WRAP73: variants seen among roughly 807,000 people sequenced by gnomAD.
The protein encoded by WRAP73 is WD repeat containing, antisense to TP73.
WRAP73 carries 55 observed loss-of-function variants against 59.6 expected under a neutral mutation model. That is an observed-to-expected ratio of 0.92 (90% confidence interval 0.74 to 1.15). WRAP73 has a LOEUF of 1.15. Ranked by LOEUF, WRAP73 falls within the 50% of genes most tolerant of loss-of-function variation. The pLI is 0.00. For missense variants in WRAP73, 592 were observed against 608.1 expected (o/e 0.97, Z 0.28); for synonymous variants, 265 against 258.2 (o/e 1.03, Z -0.25).
At position 3,646,674 on chromosome 1, in the gene WRAP73, C is replaced by T; in HGVS notation, c.331G>A (p.Glu111Lys). The T allele has an allele frequency of 1.3e-6, 2 of 1,597,100 alleles. No homozygotes were observed. Among genetic ancestry groups the T allele is most frequent in the Non-Finnish European group, 1.7e-6 (2 of 1,168,270 alleles). Reference sequence around the variant, plus strand: ...TTGGGGCTGACACTTACATGGAATTCCGTGGTGTTGAGAATGTGGCGCCCG... The same window carrying T: ...TTGGGGCTGACACTTACATGGAATTTCGTGGTGTTGAGAATGTGGCGCCCG... ...PDGRHILNTT[E>K]FHLRITVWSL... Residue 111 changes from glutamate to lysine, a missense_variant, in exon 3 of 12, where the codon GAA (glutamate) becomes AAA (lysine). Transcript: ENST00000270708. The surrounding 1 kb of genome is among the most constrained non-coding windows in gnomAD (Gnocchi z 5.1).
At chr1:3,632,457 G>C in intron 9 of WRAP73, 119 bp from the exon 10 acceptor site, 5 of 1,528,470 alleles carry the variant, frequency 3.3e-6, no homozygotes, top group Non-Finnish European at 4.5e-6. Flanking sequence ...TCAAAGGGGA[G>C]GAAAGTGCGG....
intron 3 of WRAP73, 107 bp from the exon 4 acceptor site, chr1:3,638,929 G>A: frequency 3.2e-6 from 4 of 1,232,888 alleles, no homozygotes; most frequent in Non-Finnish European, 4.7e-6. Context: ...CCTGACTGCT[G>A]GAGTGGATCT....
chr1:3,650,059 GCAGCAGGC>G lies in WRAP73; in HGVS notation c.-68_-61del, dbSNP rs1185696008. ...GAAAACCCGCGGGACCCCTGGGCGC[GCAGCAGGC>G]TGCAACAGCCGACGCCGGCCTCCGA... On this transcript the variant is annotated 5_prime_UTR_variant, in exon 1 of 12. Coordinates refer to ENST00000270708, the MANE Select transcript of WRAP73 (RefSeq NM_017818.4). 6.8e-6 allele frequency: 10 copies of G among 1,472,650 alleles called. No individual in the cohort carries two copies. The East Asian group carries it at 1.9e-4, about 28-fold the overall frequency. 91.2% of individuals were successfully genotyped at this position (1,472,650 alleles called of 1,614,324 possible). A position where few individuals can be genotyped will look rare whatever the true frequency, so the allele number is the denominator to read the frequency against.
Position 3,639,060 on chromosome 1 carries a change from G to A in WRAP73, c.340-238C>T, listed in dbSNP as rs1644614386. The A allele has an allele frequency of 2.0e-6, 1 of 505,706 alleles. No homozygotes were observed. 31.3% of individuals were successfully genotyped at this position (505,706 alleles called of 1,614,324 possible). ...TTGTTGTTTTATACCAAAATTGAGTGACACAAAGTTAAATCCAAGTGCTTT... is the reference window on the plus strand; with the variant it reads ...TTGTTGTTTTATACCAAAATTGAGTAACACAAAGTTAAATCCAAGTGCTTT... On this transcript the variant is annotated intron_variant, in intron 3 of 11. Transcript: ENST00000270708. The surrounding 1 kb of genome is among the most constrained non-coding windows in gnomAD (Gnocchi z 4.3).
intron 11 of WRAP73, 163 bp downstream of exon 11, chr1:3,631,303 C>G: frequency 7.7e-7 from 1 of 1,294,758 alleles, no homozygotes; most frequent in East Asian, 2.5e-5. Flanking sequence ...CTGAGGGCAG[C>G]GGGTCCCCTG....
At chr1:3,634,342 G>C (rs769490309) in intron 8 of WRAP73, 1 of 156,450 alleles carries the variant, frequency 6.4e-6, no homozygotes, top group Non-Finnish European at 1.4e-5. Flanking sequence ...CAGCTCTGTC[G>C]GTTACAGGTC....
At position 3,637,064 on chromosome 1, in the gene WRAP73, C is replaced by A; in HGVS notation, c.447G>T (p.Ala149=). ...ITFTRDGRYM[A]LAERRDCKDY... is the part of the protein sequence containing the mutation. ...CTTTGCAGTCGCGCCGTTCTGCCAG[C>A]GCCATGTAGCGGCCGTCCCTGGTGA... The change falls in exon 5 of 12, where the codon GCG becomes GCT. Residue 149 remains alanine, a synonymous_variant. Transcript: ENST00000270708. 6.2e-7 allele frequency: 1 copy of A among 1,612,876 alleles called. No homozygotes were observed. Among genetic ancestry groups the A allele is most frequent in the South Asian group, 1.1e-5 (1 of 90,908 alleles).
At chr1:3,638,245 G>A (rs531940575) in intron 4 of WRAP73, among the ~76,000 whole-genome samples, 10 of 152,324 alleles carry the variant, frequency 6.6e-5, no homozygotes, top group South Asian at 6.2e-4. Flanking sequence ...ACCCTGCGCC[G>A]GCCCCCTTTC....
At chr1:3,644,891 A>C (rs1302251510) in intron 3 of WRAP73, among the ~76,000 whole-genome samples, 1 of 152,212 alleles carries the variant, frequency 6.6e-6, no homozygotes, top group Non-Finnish European at 1.5e-5. Flanking sequence ...GGCTGACCCC[A>C]TGACATGAGC....
rs375067525 is a variant in WRAP73 at position 3,648,229 on chromosome 1, C to A, written c.70-669G>T. Among the ~76,000 whole-genome samples, 189 of 152,278 alleles carry A rather than the reference C, an allele frequency of 1.2e-3. 3 individuals are homozygous for A. The highest frequency in any genetic ancestry group is 4.5e-3 in the African/African-American group (185 of 41,560). ...TTGTCCATATTTGTTCATTATGTCC[C>A]TATCCAAGCAAACAATTTCAAGTAA... On this transcript the variant is annotated intron_variant, in intron 1 of 11. Coordinates refer to ENST00000270708, the MANE Select transcript of WRAP73 (RefSeq NM_017818.4).
chr1:3,633,771 C>T, intron 8 of WRAP73: 1 of 407,998 alleles, frequency 2.5e-6, no homozygotes, highest in Non-Finnish European at 4.4e-6. Flanking sequence ...CGGGAGACCA[C>T]TGCAGCCACC....
rs1281672368 is a variant in WRAP73 at position 3,639,036 on chromosome 1, T to G, written c.340-214A>C. The G allele has an allele frequency of 1.8e-6, 1 of 541,032 alleles. No homozygotes were observed. Among genetic ancestry groups the G allele is most frequent in the African/African-American group, 1.9e-5 (1 of 51,568 alleles). 33.5% of individuals were successfully genotyped at this position (541,032 alleles called of 1,614,324 possible). The stretch of plus-strand genomic sequence containing the variant: ...TTTGGTGTTCTTGGTTTTCTGTTGT[T>G]GTTGTTTTATACCAAAATTGAGTGA... On this transcript the variant is annotated intron_variant, in intron 3 of 11. Transcript: ENST00000270708. This position sits in a 1 kb window ranked among gnomAD's most constrained non-coding sequence, Gnocchi z 4.3.
At chr1:3,636,478 C>T in intron 5 of WRAP73, 1 of 324,956 alleles carries the variant, frequency 3.1e-6, no homozygotes, top group South Asian at 2.6e-5. Context: ...CAGGCTCACT[C>T]CTTTAGACCC....
At chr1:3,637,177 A>G in intron 4 of WRAP73, 79 bp from the exon 5 acceptor site, 1 of 1,227,186 alleles carries the variant, frequency 8.1e-7, no homozygotes, top group Non-Finnish European at 1.2e-6. Context: ...ATTCACAAGG[A>G]AGGAGGAGGA....
intron 3 of WRAP73, among the ~76,000 whole-genome samples, chr1:3,644,764 T>C (rs1644674127): frequency 1.3e-5 from 2 of 152,266 alleles, no homozygotes; most frequent in Non-Finnish European, 2.9e-5. Flanking sequence ...GTTTTCAATA[T>C]TGGTGTGTGT....
intron 3 of WRAP73, among the ~76,000 whole-genome samples, chr1:3,643,652 G>C (rs1644668112): frequency 9.9e-6 from 1 of 101,510 alleles, no homozygotes; most frequent in Non-Finnish European, 2.1e-5. Flanking sequence ...TTCGGAAGGG[G>C]ACCCAGCGGC....
intron 6 of WRAP73, chr1:3,635,681 C>T (rs939052510): frequency 4.0e-6 from 2 of 496,488 alleles, no homozygotes; most frequent in East Asian, 3.7e-5. Context: ...ATTAGCCGGG[C>T]GTGGTGGTGC....
chr1:3,636,801 C>T lies in WRAP73; in HGVS notation c.516+194G>A, dbSNP rs944861986. 1.8e-5 allele frequency: 12 copies of T among 682,798 alleles called. No individual in the cohort carries two copies. In the African/African-American group the frequency reaches 1.8e-4, roughly 10 times the overall value. The allele number at this position is 682,798 out of a possible 1,614,324, so 42.3% of individuals were successfully genotyped here. On this transcript the variant is annotated intron_variant, in intron 5 of 11. Coordinates refer to ENST00000270708, the MANE Select transcript of WRAP73 (RefSeq NM_017818.4). ...ACTTTTAAAACACCTGGGCACGCGTCCTTTTCACCAAGTCTCCTGAACACA... is the reference window on the plus strand; with the variant it reads ...ACTTTTAAAACACCTGGGCACGCGTTCTTTTCACCAAGTCTCCTGAACACA...
chr1:3,635,166 A>C lies in WRAP73; in HGVS notation c.732T>G (p.Asp244Glu). 6.2e-7 allele frequency: 1 copy of C among 1,614,082 alleles called. No homozygotes were observed. Residue 244 changes from aspartate (D) to glutamate (E), a missense_variant, in exon 7 of 12, where the codon GAT becomes GAG. Transcript: ENST00000270708. ...GCCCTGCACTGGTTCCCACCTTTCCATCATAGCTCCCAACTGCCAGGAACT... is the reference window on the plus strand; with the variant it reads ...GCCCTGCACTGGTTCCCACCTTTCCCTCATAGCTCCCAACTGCCAGGAACT... ...SSQFLAVGSY[D>E]GKVRILNHVT... is the part of the protein sequence containing the mutation.
Sources: gnomAD v4.1 joint callset for allele counts (sites outside exome capture counted in the v4.1 genomes callset) on GRCh38, gnomAD v4.1.1 for gene constraint, Gnocchi (gnomAD v3.1) non-coding constraint, MANE v1.5 for transcripts, NCBI Gene and HGNC (gene_info 2026-07-23, HGNC 2026-07-21) for gene names.